Variants in RNF149 observed in about 807,000 individuals in gnomAD.
The protein encoded by RNF149 is E3 ubiquitin-protein ligase RNF149.
In RNF149, 21 loss-of-function variants were observed where a neutral mutation model predicts 39.0. The ratio of observed to expected loss-of-function variants is 0.54; its 90% confidence interval spans 0.38 to 0.77. The LOEUF is 0.77. Ranked by LOEUF, RNF149 falls within the 30% of genes least tolerant of loss-of-function variation. RNF149 has a pLI of 0.00. For synonymous variants in RNF149, 209 were observed against 213.6 expected (o/e 0.98, Z 0.19); for missense variants, 493 against 534.9 (o/e 0.92, Z 0.77).
chr2:101,287,836 C>T (rs1682853893), intron 4 of RNF149, among the ~76,000 whole-genome samples: 1 of 152,194 alleles, frequency 6.6e-6, no homozygotes, highest in Non-Finnish European at 1.5e-5. Flanking sequence ...TACTAACGTA[C>T]TCTGCAAACA....
chr2:101,275,902 G>A lies in RNF149; in HGVS notation c.*1336C>T. 7.1e-6 allele frequency: 7 copies of A among 985,322 alleles called. No individual in the cohort carries two copies. Among genetic ancestry groups the A allele is most frequent in the Non-Finnish European group, 8.4e-6 (7 of 829,874 alleles). The allele number at this position is 985,322 out of a possible 1,614,324, so 61.0% of individuals were successfully genotyped here. A position where few individuals can be genotyped will look rare whatever the true frequency, so the allele number is the denominator to read the frequency against. On this transcript the variant is annotated 3_prime_UTR_variant, in exon 7 of 7. Transcript: ENST00000295317. Reference sequence around the variant, plus strand: ...TGCTAAAACCAACTCAGTGTGCAAAGCGAAATACATTTTCTACTTCAATAG... The same window carrying A: ...TGCTAAAACCAACTCAGTGTGCAAAACGAAATACATTTTCTACTTCAATAG...
At chr2:101,272,460 TATG>T (rs1262928770), downstream of RNF149, among the ~76,000 whole-genome samples, 1 of 152,182 alleles carries the variant, frequency 6.6e-6, no homozygotes, top group Admixed American at 6.5e-5. Context: ...TTTTTCAAAA[TATG>T]GTGACAAGTG....
At chr2:101,298,314 A>T (rs931956213) in intron 1 of RNF149, among the ~76,000 whole-genome samples, 2 of 152,162 alleles carry the variant, frequency 1.3e-5, no homozygotes, top group African/African-American at 2.4e-5. Flanking sequence ...AGTCCCAGCT[A>T]CTAGGGAGGC....
chr2:101,308,239 C>A lies in RNF149; in HGVS notation c.350G>T (p.Gly117Val). The change falls in exon 1 of 7, where the codon GGC becomes GTC. Residue 117 changes from glycine to valine, a missense_variant. By Grantham distance (109) the Gly-to-Val change is moderately radical. Transcript: ENST00000295317. ...APWVALVARG[G>V]CTFKDKVLVA... ...CAGCACCTTGTCCTTGAAGGTGCAG[C>A]CCCCACGAGCCACCAGGGCGACCCA... 3.8e-6 allele frequency: 6 copies of A among 1,598,410 alleles called. No individual in the cohort carries two copies. The South Asian group carries it at 5.6e-5, about 15-fold the overall frequency.
intron 1 of RNF149, among the ~76,000 whole-genome samples, chr2:101,301,071 G>A (rs1683433318): frequency 6.6e-6 from 1 of 152,080 alleles, no homozygotes; most frequent in South Asian, 2.1e-4. Context: ...CAAAAGACTT[G>A]GGATGACAGA....
chr2:101,295,145 G>T lies in RNF149; in HGVS notation c.497C>A (p.Pro166Gln). 1 of 1,613,780 alleles carries T rather than the reference G, an allele frequency of 6.2e-7. No individual in the cohort carries two copies. Among genetic ancestry groups the T allele is most frequent in the Non-Finnish European group, 8.5e-7 (1 of 1,179,750 alleles). The change falls in exon 2 of 7, where the codon CCA becomes CAA. Residue 166 changes from proline (P) to glutamine (Q), a missense_variant. Pro to Gln is a moderately conservative substitution (Grantham distance 76). Transcript: ENST00000295317. ...CAGCTCCAAAATTTCTCTTCCTTTT[G>T]GATAGCTAATCATAATGACCACTAT... Reference protein sequence around the residue: ...GNIVVIMISYPKGREILELVQ... With the variant: ...GNIVVIMISYQKGREILELVQ...
intron 3 of RNF149, among the ~76,000 whole-genome samples, chr2:101,289,724 A>G (rs1316543086): frequency 1.3e-4 from 20 of 151,066 alleles, no homozygotes; most frequent in Non-Finnish European, 2.2e-4. Context: ...AAAAAAAAAA[A>G]AGAGACAGGG....
At chr2:101,296,159 A>G (rs1030128049) in intron 1 of RNF149, among the ~76,000 whole-genome samples, 2 of 152,174 alleles carry the variant, frequency 1.3e-5, no homozygotes, top group Admixed American at 1.3e-4. Flanking sequence ...AATTCCACTT[A>G]TGAGTACTAA....
chr2:101,294,799 A>T, intron 2 of RNF149, 132 bp downstream of exon 2: 1 of 788,710 alleles, frequency 1.3e-6, no homozygotes, highest in Non-Finnish European at 2.0e-6. Flanking sequence ...TACTTCCAAA[A>T]AGTCATGTTG....
At position 101,277,800 on chromosome 2, in the gene RNF149, G is replaced by C. The variant is rs546660106; in HGVS notation, c.1160-519C>G. The stretch of plus-strand genomic sequence containing the variant: ...TCATATGAGGAGTTTTCTAGCATTA[G>C]CCTAGCCAACATTAATCTCATCAGC... On this transcript the variant is annotated intron_variant, in intron 6 of 6. Coordinates refer to ENST00000295317, the MANE Select transcript of RNF149 (RefSeq NM_173647.4). 3.3e-5 allele frequency among the ~76,000 whole-genome samples: 5 copies of C among 152,310 alleles called. No homozygotes were observed. The South Asian group carries it at 1.0e-3, about 32-fold the overall frequency.
intron 1 of RNF149, among the ~76,000 whole-genome samples, chr2:101,306,949 C>G (rs1341041869): frequency 6.6e-6 from 1 of 152,056 alleles, no homozygotes; most frequent in Non-Finnish European, 1.5e-5. Context: ...AAACAAAAAC[C>G]AAAACTAACC....
At chr2:101,283,128 C>G (rs1442925141) in intron 5 of RNF149, among the ~76,000 whole-genome samples, 1 of 152,216 alleles carries the variant, frequency 6.6e-6, no homozygotes, top group South Asian at 2.1e-4. Context: ...CCCAGCTCAA[C>G]TGCCCTCTCA....
chr2:101,282,425 C>A (rs1314446198), intron 5 of RNF149, among the ~76,000 whole-genome samples: 1 of 152,108 alleles, frequency 6.6e-6, no homozygotes, highest in Non-Finnish European at 1.5e-5. Context: ...TACAGTGAGG[C>A]ACTAGGGTTT....
Position 101,276,794 on chromosome 2 carries a change from C to T in RNF149, c.*444G>A. ...CTTAAAAAAAAAACAACAAAAAAAA[C>T]CTTTCCTCCAGGGAAAGCCCATGAG... On this transcript the variant is annotated 3_prime_UTR_variant, in exon 7 of 7. Coordinates refer to ENST00000295317, the MANE Select transcript of RNF149 (RefSeq NM_173647.4). 1.0e-6 allele frequency: 1 copy of T among 987,836 alleles called. No homozygotes were observed. Among genetic ancestry groups the T allele is most frequent in the South Asian group, 4.6e-5 (1 of 21,844 alleles). 61.2% of individuals were successfully genotyped at this position (987,836 alleles called of 1,614,324 possible).
chr2:101,282,938 C>G (rs1192480179), intron 5 of RNF149, among the ~76,000 whole-genome samples: 1 of 152,116 alleles, frequency 6.6e-6, no homozygotes, highest in African/African-American at 2.4e-5. Context: ...CCTGACACAC[C>G]AAGCAACAAA....
intron 2 of RNF149, 21 bp downstream of exon 2, chr2:101,294,910 T>C (rs1297047700): frequency 1.3e-6 from 2 of 1,588,938 alleles, no homozygotes; most frequent in Non-Finnish European, 1.7e-6. Flanking sequence ...AAAAGCAAAA[T>C]TCAGAGTTAT....
At chr2:101,283,864 A>G (rs1044798829) in intron 5 of RNF149, among the ~76,000 whole-genome samples, 1 of 152,214 alleles carries the variant, frequency 6.6e-6, no homozygotes, top group African/African-American at 2.4e-5. Flanking sequence ...CCTTTCATAC[A>G]AACATCCAGA....
At chr2:101,284,935 C>T (rs974321999) in intron 5 of RNF149, among the ~76,000 whole-genome samples, 4 of 152,098 alleles carry the variant, frequency 2.6e-5, no homozygotes, top group Admixed American at 6.5e-5. Context: ...ACTCTCATTG[C>T]CCAGGCTGGA....
intron 3 of RNF149, among the ~76,000 whole-genome samples, chr2:101,290,588 A>G (rs1435260232): frequency 6.6e-6 from 1 of 152,376 alleles, no homozygotes; most frequent in East Asian, 1.9e-4. Flanking sequence ...GTTTTCTGGA[A>G]TCATATAAAG....
Sources: gnomAD v4.1 joint callset for allele counts (sites outside exome capture counted in the v4.1 genomes callset) on GRCh38, gnomAD v4.1.1 for gene constraint, MANE v1.5 for transcripts, NCBI Gene and HGNC (gene_info 2026-07-23, HGNC 2026-07-21) for gene names.